HPSE2: variants seen among roughly 807,000 people sequenced by gnomAD.
HPSE2 encodes the protein heparanase 2 (inactive), also known as inactive heparanase-2.
In HPSE2, 38 loss-of-function variants were observed where a neutral mutation model predicts 60.5. The ratio of observed to expected loss-of-function variants is 0.63; its 90% CI spans 0.48 to 0.82. The LOEUF (loss-of-function observed/expected upper bound fraction) is 0.82, where lower values mean the gene tolerates loss of function less well. HPSE2 is among the 40% of genes least tolerant of loss of function. The probability of loss-of-function intolerance (pLI) is 0.00; values close to 1 mark genes in which losing one functional copy is unlikely to be tolerated. For synonymous variants in HPSE2, 295 were observed against 293.2 expected, an observed-to-expected ratio of 1.01 and a Z score of -0.06; for missense variants, 713 against 740.4, an observed-to-expected ratio of 0.96 and a Z score of 0.43.
rs1589702026 is a variant in HPSE2, at chr10:98,720,001, T to TA, written c.956+1655dup. On this transcript the variant is annotated intron_variant, in intron 5 of 11. Transcript: ENST00000370552. The stretch of plus-strand genomic sequence containing the variant: ...GGCTGACAGAGTGAGACTCTGTGTT[T>TA]AAAAAACAACAATAAAAAATAACTA... Among the ~76,000 whole-genome samples, 3 of 151,832 alleles carry TA rather than the reference T, an allele frequency of 2.0e-5. No homozygotes were observed. In the East Asian group the frequency reaches 5.8e-4, roughly 29 times the overall value.
chr10:99,103,205 A>G (rs982203338), intron 3 of HPSE2, among the ~76,000 whole-genome samples: 12 of 152,364 alleles, frequency 7.9e-5, no homozygotes, highest in African/African-American at 2.9e-4. Flanking sequence ...CCCTGTTTGC[A>G]GATGACATGA....
chr10:98,835,141 G>A (rs1951763568), intron 3 of HPSE2, among the ~76,000 whole-genome samples: 1 of 152,042 alleles, frequency 6.6e-6, no homozygotes, highest in African/African-American at 2.4e-5. Context: ...CCAAAGAGAT[G>A]GAACCTGACT....
intron 3 of HPSE2, among the ~76,000 whole-genome samples, chr10:99,046,064 T>G (rs1957848454): frequency 6.6e-6 from 1 of 151,932 alleles, no homozygotes; most frequent in South Asian, 2.1e-4. Flanking sequence ...ATATCCCTGA[T>G]GACACAAAAA....
At chr10:99,165,351 AAGTTTCC>A (rs765914120) in intron 2 of HPSE2, among the ~76,000 whole-genome samples, 58 of 152,048 alleles carry the variant, frequency 3.8e-4, no homozygotes, top group Non-Finnish European at 7.7e-4. Flanking sequence ...TTTCTTCTCC[AAGTTTCC>A]AGTATGATTG....
At chr10:99,007,880 G>A (rs924417273) in intron 3 of HPSE2, among the ~76,000 whole-genome samples, 15 of 152,184 alleles carry the variant, frequency 9.9e-5, no homozygotes, top group African/African-American at 1.4e-4. Context: ...GACCTAAAGC[G>A]GAGATTCAGG....
At chr10:98,545,485 G>C (rs1053513232) in intron 9 of HPSE2, among the ~76,000 whole-genome samples, 5 of 152,172 alleles carry the variant, frequency 3.3e-5, no homozygotes, top group African/African-American at 9.7e-5. Context: ...CCCTGGGATG[G>C]AAGGCTGGTT....
At chr10:98,689,024 C>T (rs772238743) in intron 6 of HPSE2, among the ~76,000 whole-genome samples, 2 of 151,676 alleles carry the variant, frequency 1.3e-5, no homozygotes, top group Non-Finnish European at 2.9e-5. Context: ...AAGATTTTTA[C>T]GTTATTTTTG....
At chr10:98,462,894 C>T (rs1940359526) in intron 11 of HPSE2, among the ~76,000 whole-genome samples, 1 of 152,048 alleles carries the variant, frequency 6.6e-6, no homozygotes, top group Non-Finnish European at 1.5e-5. Flanking sequence ...TGGCTGTCCA[C>T]AGGAATTTCA....
rs1945867966 is a variant in HPSE2 at position 98,615,028 on chromosome 10, A to G, written c.1206-10T>C. 6.4e-7 allele frequency: 1 copy of G among 1,569,636 alleles called. No homozygotes were observed. The highest frequency in any genetic ancestry group is 1.1e-5 in the South Asian group (1 of 90,156). On this transcript the variant is annotated splice_polypyrimidine_tract_variant and intron_variant, in intron 8 of 11. Transcript: ENST00000370552. ...TAAAGTGTTCAACCATCTAAAAGGC[A>G]GAGAAAAAGAGCTACATCAATATAT...
upstream of HPSE2, chr10:99,235,920 C>G: frequency 1.3e-6 from 1 of 763,696 alleles, no homozygotes; most frequent in Non-Finnish European, 2.3e-6. Context: ...CCTCCCACCA[C>G]CCCCCCAACA....
At chr10:98,689,748 T>C (rs1043784197) in intron 6 of HPSE2, among the ~76,000 whole-genome samples, 24 of 152,238 alleles carry the variant, frequency 1.6e-4, no homozygotes, top group African/African-American at 5.8e-4. Flanking sequence ...GTTAAATGAA[T>C]GACTGATCTT....
chr10:98,482,378 G>A (rs564761581), intron 11 of HPSE2, among the ~76,000 whole-genome samples: 2 of 152,270 alleles, frequency 1.3e-5, no homozygotes, highest in East Asian at 3.9e-4. Context: ...AGAATCATCT[G>A]GCTCAAATAC....
chr10:99,226,184 T>C (rs1346276333), intron 2 of HPSE2, among the ~76,000 whole-genome samples: 1 of 151,962 alleles, frequency 6.6e-6, no homozygotes, highest in Non-Finnish European at 1.5e-5. Context: ...TTGAGTTGCA[T>C]ATCCTCTCTT....
chr10:98,523,391 G>A (rs1435414470), intron 9 of HPSE2, among the ~76,000 whole-genome samples: 2 of 152,286 alleles, frequency 1.3e-5, no homozygotes, highest in East Asian at 3.9e-4. Context: ...TGATGAGAAA[G>A]TTTGAAAGAA....
chr10:99,248,090 C>T, the HPSE2 span, among the ~76,000 whole-genome samples: 1 of 152,096 alleles, frequency 6.6e-6, no homozygotes, highest in Non-Finnish European at 1.5e-5. Context: ...GTACCAGGAG[C>T]AGGGTACTGC....
intron 11 of HPSE2, among the ~76,000 whole-genome samples, chr10:98,461,101 A>G (rs925865689): frequency 1.3e-5 from 2 of 152,402 alleles, no homozygotes; most frequent in South Asian, 4.1e-4. Context: ...AAATTGATAT[A>G]GAGGTCTTTG....
intron 3 of HPSE2, among the ~76,000 whole-genome samples, chr10:99,028,670 T>C (rs954479969): frequency 1.3e-5 from 2 of 152,072 alleles, no homozygotes; most frequent in Admixed American, 6.5e-5. Context: ...AGACCTACAA[T>C]AGGCAAAGCT....
chr10:98,632,411 A>G (rs1946387850), intron 7 of HPSE2, among the ~76,000 whole-genome samples: 1 of 152,164 alleles, frequency 6.6e-6, no homozygotes, highest in African/African-American at 2.4e-5. Context: ...GAATTCTCTA[A>G]TATTTGTTCT....
At chr10:98,908,642 C>T (rs1038759272) in intron 3 of HPSE2, among the ~76,000 whole-genome samples, 4 of 121,602 alleles carry the variant, frequency 3.3e-5, no homozygotes, top group South Asian at 2.8e-4. Flanking sequence ...GAGATCGTGC[C>T]GTTGCACTCC....
Sources: gnomAD v4.1 joint callset for allele counts (sites outside exome capture counted in the v4.1 genomes callset) on GRCh38, gnomAD v4.1.1 for gene constraint, MANE v1.5 for transcripts, NCBI Gene and HGNC (gene_info 2026-07-23, HGNC 2026-07-21) for gene names.